TXLNB: variants seen among roughly 807,000 people sequenced by gnomAD.
The protein encoded by TXLNB is beta-taxilin.
TXLNB carries 37 observed loss-of-function variants against 57.4 expected under a neutral mutation model. That is an observed-to-expected ratio of 0.64 (90% CI 0.50 to 0.85). TXLNB has a LOEUF of 0.85. TXLNB is among the 40% of genes least tolerant of loss of function. The pLI is 0.00. For synonymous variants in TXLNB, 302 were observed against 309.6 expected, an observed-to-expected ratio of 0.98 and a Z score of 0.26; for missense variants, 848 against 825.6, an observed-to-expected ratio of 1.03 and a Z score of -0.33.
chr6:139,195,898 G>C, the TXLNB span, among the ~76,000 whole-genome samples: 1 of 151,970 alleles, frequency 6.6e-6, no homozygotes, highest in Non-Finnish European at 1.5e-5. Context: ...CTGCTGAGGT[G>C]AACTAAAGAT....
the TXLNB span, chr6:139,167,152 G>A: frequency 1.9e-6 from 3 of 1,614,170 alleles, no homozygotes; most frequent in East Asian, 6.7e-5. Flanking sequence ...GGGAAGACTT[G>A]CGGAAGTTCA....
the TXLNB span, chr6:139,170,458 T>C: frequency 6.6e-6 from 1 of 152,196 alleles, no homozygotes; most frequent in Non-Finnish European, 1.5e-5. Flanking sequence ...CACTTTGGCT[T>C]GGTTCGTAAA....
the TXLNB span, among the ~76,000 whole-genome samples, chr6:139,305,949 A>G: frequency 1.3e-5 from 2 of 152,170 alleles, no homozygotes; most frequent in Admixed American, 1.3e-4. Flanking sequence ...AGGAATGAAA[A>G]TGATTTATTA....
the TXLNB span, among the ~76,000 whole-genome samples, chr6:139,161,293 C>T: frequency 6.6e-6 from 1 of 152,098 alleles, no homozygotes; most frequent in African/African-American, 2.4e-5. Context: ...ATTTAACATG[C>T]TCTTGGCTTT....
At chr6:139,244,525 T>A in intron 9 of TXLNB, 70 bp downstream of exon 9, 1 of 1,071,848 alleles carries the variant, frequency 9.3e-7, no homozygotes, top group East Asian at 2.4e-5. Context: ...TACCAGGTTA[T>A]AATTGTATCG....
the TXLNB span, among the ~76,000 whole-genome samples, chr6:139,216,452 A>G: frequency 7.9e-6 from 1 of 126,264 alleles, no homozygotes; most frequent in South Asian, 2.8e-4. Flanking sequence ...AGGAAGGGGA[A>G]CATCACACAC....
the TXLNB span, among the ~76,000 whole-genome samples, chr6:139,233,072 G>A: frequency 6.6e-6 from 1 of 151,850 alleles, no homozygotes; most frequent in African/African-American, 2.4e-5. Context: ...ATGATAAAGT[G>A]AAATATATAA....
chr6:139,271,336 ATTCTGCTGGT>A (rs1437035429), intron 3 of TXLNB: 1 of 152,194 alleles, frequency 6.6e-6, no homozygotes, highest in African/African-American at 2.4e-5. Context: ...CAAATAAATC[ATTCTGCTGGT>A]TTCTGCTGAG....
chr6:139,181,203 A>AAAAC, the TXLNB span, among the ~76,000 whole-genome samples: 1 of 152,268 alleles, frequency 6.6e-6, no homozygotes, highest in Non-Finnish European at 1.5e-5. Context: ...AGTTCTAATC[A>AAAAC]AAACAAAATG....
chr6:139,299,974 G>A, the TXLNB span, among the ~76,000 whole-genome samples: 25 of 152,138 alleles, frequency 1.6e-4, no homozygotes, highest in African/African-American at 5.5e-4. Flanking sequence ...GCCTTTTTGA[G>A]GTTTTCTAAC....
At chr6:139,300,502 T>C in the TXLNB span, among the ~76,000 whole-genome samples, 1 of 152,202 alleles carries the variant, frequency 6.6e-6, no homozygotes, top group African/African-American at 2.4e-5. Flanking sequence ...AATTGTCCAT[T>C]GATAGGCTTA....
intron 7 of TXLNB, 173 bp downstream of exon 7, chr6:139,255,391 G>T: frequency 1.5e-6 from 1 of 684,254 alleles, no homozygotes; most frequent in Non-Finnish European, 2.7e-6. Context: ...ATAATATTGT[G>T]CTTTTATTTT....
the TXLNB span, among the ~76,000 whole-genome samples, chr6:139,214,899 AC>A: frequency 6.6e-6 from 1 of 152,202 alleles, no homozygotes; most frequent in African/African-American, 2.4e-5. Flanking sequence ...AGAATAAAAT[AC>A]CTAGGAATCC....
the TXLNB span, among the ~76,000 whole-genome samples, chr6:139,213,733 A>G: frequency 3.6e-4 from 55 of 152,334 alleles, no homozygotes; most frequent in African/African-American, 1.3e-3. Flanking sequence ...ACCACTAGCA[A>G]GACCAATAAA....
At chr6:139,192,779 C>G in the TXLNB span, among the ~76,000 whole-genome samples, 1 of 95,750 alleles carries the variant, frequency 1.0e-5, no homozygotes, top group Non-Finnish European at 2.3e-5. Context: ...CCCGTCTCTA[C>G]TAAAAAAAAA....
At chr6:139,252,152 T>A (rs373182046) in intron 7 of TXLNB, among the ~76,000 whole-genome samples, 1 of 152,224 alleles carries the variant, frequency 6.6e-6, no homozygotes, top group Non-Finnish European at 1.5e-5. Flanking sequence ...CTGCCCCCAA[T>A]TGGCCAGCAG....
the TXLNB span, among the ~76,000 whole-genome samples, chr6:139,187,425 C>G: frequency 1.1e-5 from 1 of 95,186 alleles, no homozygotes; most frequent in Non-Finnish European, 2.4e-5. Flanking sequence ...TTTTTAAAAT[C>G]TTTTGCTTTT....
At chr6:139,167,822 C>G in the TXLNB span, among the ~76,000 whole-genome samples, 6,222 of 152,208 alleles carry the variant, frequency 0.041, 136 homozygotes, top group African/African-American at 0.062. Flanking sequence ...ATTGAAAGCT[C>G]AGACATTAGC....
the TXLNB span, among the ~76,000 whole-genome samples, chr6:139,184,611 TTCA>T: frequency 0.66 from 100,438 of 151,736 alleles, 34,235 homozygotes; most frequent in African/African-American, 0.79. Context: ...ACACCACGAA[TTCA>T]TCATTTTACT....
Sources: allele counts gnomAD v4.1 joint callset (sites outside exome capture counted in the v4.1 genomes callset), GRCh38; gene constraint gnomAD v4.1.1; transcripts MANE v1.5; gene names NCBI Gene and HGNC (gene_info 2026-07-23, HGNC 2026-07-21).